Variants in PCDHA12 observed in about 807,000 individuals in gnomAD.
PCDHA12 encodes the protein protocadherin alpha 12.
In PCDHA12, 44 loss-of-function variants were observed where a neutral mutation model predicts 60.0. That is an observed-to-expected ratio of 0.73 (90% CI 0.58 to 0.94). PCDHA12 has a LOEUF of 0.94. PCDHA12 is among the 40% of genes least tolerant of loss of function. The pLI, the probability that PCDHA12 is intolerant of heterozygous loss-of-function variation, is 0.00. For synonymous variants in PCDHA12, 569 were observed against 553.0 expected (o/e 1.03, Z -0.40); for missense variants, 1,276 against 1,239.7 (o/e 1.03, Z -0.44).
At chr5:140,894,143 T>G (rs1322881071) in intron 1 of PCDHA12, among the ~76,000 whole-genome samples, 1 of 152,158 alleles carries the variant, frequency 6.6e-6, no homozygotes, top group Non-Finnish European at 1.5e-5. Flanking sequence ...ATAATTCCCT[T>G]CTATGTAATT....
At chr5:140,885,313 A>G (rs2060560221) in intron 1 of PCDHA12, among the ~76,000 whole-genome samples, 1 of 152,144 alleles carries the variant, frequency 6.6e-6, no homozygotes, top group East Asian at 1.9e-4. Flanking sequence ...GCTTTTTGTT[A>G]TTATTTCTTT....
intron 1 of PCDHA12, chr5:140,967,773 A>C (rs1285230643): frequency 1.9e-6 from 3 of 1,614,108 alleles, no homozygotes; most frequent in Non-Finnish European, 1.7e-6. Context: ...ATCTATGTGC[A>C]GGCGACTGAC....
At chr5:140,951,832 C>A (rs2094641157) in intron 1 of PCDHA12, among the ~76,000 whole-genome samples, 1 of 152,142 alleles carries the variant, frequency 6.6e-6, no homozygotes, top group East Asian at 1.9e-4. Context: ...CTCATTCCAG[C>A]ATTAAGCCAA....
Position 140,876,134 on chromosome 5 carries a change from A to T in PCDHA12, c.662A>T (p.Glu221Val). The change falls in exon 1 of 4, where the codon GAA becomes GTA. Residue 221 changes from glutamate to valine, a missense_variant. Transcript: ENST00000398631. ...LLMVIDGGKP[E>V]LTGSVQIQIT... is the part of the protein sequence containing the mutation. The stretch of plus-strand genomic sequence containing the variant: ...ATGGTAATCGATGGCGGTAAACCAG[A>T]ACTAACAGGGTCTGTCCAGATTCAA... 1 of 1,613,962 alleles carries T rather than the reference A, an allele frequency of 6.2e-7. No homozygotes were observed. Among genetic ancestry groups the T allele is most frequent in the Non-Finnish European group, 8.5e-7 (1 of 1,179,898 alleles).
At chr5:140,918,562 A>G (rs536690328) in intron 1 of PCDHA12, among the ~76,000 whole-genome samples, 17 of 152,330 alleles carry the variant, frequency 1.1e-4, no homozygotes, top group African/African-American at 3.4e-4. Context: ...AGAAGAATGT[A>G]TATTATGCTG....
intron 1 of PCDHA12, among the ~76,000 whole-genome samples, chr5:140,888,420 C>T (rs947790198): frequency 3.3e-5 from 5 of 152,130 alleles, no homozygotes; most frequent in African/African-American, 4.8e-5. Context: ...AACATCCTAC[C>T]GTGCACAGGA....
intron 3 of PCDHA12, among the ~76,000 whole-genome samples, chr5:140,996,915 A>G (rs1167259941): frequency 6.6e-6 from 1 of 152,244 alleles, no homozygotes; most frequent in Non-Finnish European, 1.5e-5. Flanking sequence ...TGAAGTAAAT[A>G]TTAAAAAATA....
rs782116961 is a variant in PCDHA12, at chr5:140,966,933, C to T, written c.2368-12016C>T. On this transcript the variant is annotated intron_variant, in intron 1 of 3. Transcript: ENST00000398631. ...GTGCCAGAGGAGCAGGCACCCGGCGCGCTCGTGGGCAACGTGGCTCGCGCG... is the reference window on the plus strand; with the variant it reads ...GTGCCAGAGGAGCAGGCACCCGGCGTGCTCGTGGGCAACGTGGCTCGCGCG... 2.5e-6 allele frequency: 4 copies of T among 1,603,904 alleles called. No individual in the cohort carries two copies. The highest frequency in any genetic ancestry group is 1.1e-5 in the South Asian group (1 of 90,778).
At chr5:140,924,902 A>AT (rs1563068435) in intron 1 of PCDHA12, among the ~76,000 whole-genome samples, 2 of 39,026 alleles carry the variant, frequency 5.1e-5, no homozygotes, top group Non-Finnish European at 1.3e-4. Context: ...CTCAAAAAAA[A>AT]AAATAAAATA....
intron 1 of PCDHA12, among the ~76,000 whole-genome samples, chr5:140,953,230 A>G (rs782703084): frequency 2.0e-5 from 3 of 152,180 alleles, no homozygotes; most frequent in Non-Finnish European, 4.4e-5. Context: ...TCTGCTTGGT[A>G]GCAGTTCAAA....
At chr5:140,909,926 A>G (rs781804027) in intron 1 of PCDHA12, among the ~76,000 whole-genome samples, 4 of 152,190 alleles carry the variant, frequency 2.6e-5, no homozygotes, top group Admixed American at 2.6e-4. Flanking sequence ...CCTTTCCCCA[A>G]TCACAGTTAC....
chr5:140,991,482 G>A (rs781952323), intron 3 of PCDHA12, among the ~76,000 whole-genome samples: 3 of 152,204 alleles, frequency 2.0e-5, no homozygotes, highest in Non-Finnish European at 4.4e-5. Flanking sequence ...CTGGAAGTCA[G>A]AAGTCCACAG....
intron 3 of PCDHA12, chr5:140,988,797 AT>A (rs1481469131): frequency 2.0e-5 from 3 of 152,116 alleles, no homozygotes; most frequent in African/African-American, 7.2e-5. Context: ...TAATAGAAGA[AT>A]TTCTTCCGTA....
intron 3 of PCDHA12, among the ~76,000 whole-genome samples, chr5:141,007,447 A>T (rs2153992021): frequency 6.6e-6 from 1 of 151,258 alleles, no homozygotes; most frequent in South Asian, 2.1e-4. Flanking sequence ...ATGTGCCTGT[A>T]GTCCCAGCTA....
intron 1 of PCDHA12, among the ~76,000 whole-genome samples, chr5:140,972,921 C>A (rs2096564401): frequency 6.6e-6 from 1 of 152,090 alleles, no homozygotes; most frequent in Non-Finnish European, 1.5e-5. Context: ...CTTGGCCTCC[C>A]AAAGTGCTGG....
In PCDHA12 at chr5:140,883,674, C is replaced by A. The variant is rs782029001; in HGVS notation, c.2367+5835C>A. The A allele has an allele frequency of 4.3e-5, 70 of 1,613,620 alleles. No homozygotes were observed. The highest frequency in any genetic ancestry group is 5.8e-5 in the Non-Finnish European group (69 of 1,179,878). On this transcript the variant is annotated intron_variant, in intron 1 of 3. Transcript: ENST00000398631. ...ACGGTGTTCGTGAAGGAAAACAATC[C>A]GCCGGGCTGCCACATCTTCACGGTG...
chr5:140,982,998 GAAAGAA>G (rs1469608645), intron 3 of PCDHA12, among the ~76,000 whole-genome samples: 10 of 151,726 alleles, frequency 6.6e-5, no homozygotes, highest in Admixed American at 5.2e-4. Context: ...AAGAAGGAAA[GAAAGAA>G]AAAGGAAGGA....
chr5:140,886,159 C>T (rs1006053368), intron 1 of PCDHA12, among the ~76,000 whole-genome samples: 16 of 152,164 alleles, frequency 1.1e-4, no homozygotes, highest in Non-Finnish European at 2.1e-4. Flanking sequence ...TTTTTATAGC[C>T]ACATCTGCTT....
chr5:140,891,378 T>C (rs141028628), intron 1 of PCDHA12, among the ~76,000 whole-genome samples: 2 of 152,104 alleles, frequency 1.3e-5, no homozygotes, highest in African/African-American at 4.8e-5. Context: ...CATTGCACCA[T>C]ATTTGCAATC....
Sources: gnomAD v4.1 joint callset for allele counts (sites outside exome capture counted in the v4.1 genomes callset) on GRCh38, gnomAD v4.1.1 for gene constraint, MANE v1.5 for transcripts, NCBI Gene and HGNC (gene_info 2026-07-23, HGNC 2026-07-21) for gene names.